The following PRKN variants were observed in gnomAD, a reference collection of about 807,000 sequenced individuals.
PRKN encodes the protein parkin RBR E3 ubiquitin protein ligase, also known as E3 ubiquitin-protein ligase parkin.
Under a neutral mutation model 59.5 loss-of-function variants are expected in PRKN, and 56 were observed. That is an observed-to-expected ratio of 0.94 (90% CI 0.76 to 1.18). The LOEUF is 1.18. PRKN is among the 50% of genes most tolerant of loss of function. PRKN has a pLI of 0.00. For missense variants in PRKN, 657 were observed against 596.4 expected (o/e 1.10, Z -1.06); for synonymous variants, 250 against 222.1 (o/e 1.13, Z -1.12).
intron 1 of PRKN, among the ~76,000 whole-genome samples, chr6:162,521,445 C>T (rs538389851): frequency 1.3e-5 from 2 of 152,252 alleles, no homozygotes; most frequent in East Asian, 3.9e-4. Flanking sequence ...TTCACCATGG[C>T]TTATTCAAAC....
intron 6 of PRKN, among the ~76,000 whole-genome samples, chr6:161,842,493 C>T (rs1793028757): frequency 6.6e-6 from 1 of 151,166 alleles, no homozygotes; most frequent in Non-Finnish European, 1.5e-5. Context: ...TAGCCATGGG[C>T]AAGAGAGACA....
chr6:161,947,275 A>G (rs563378997), intron 6 of PRKN, among the ~76,000 whole-genome samples: 1 of 152,340 alleles, frequency 6.6e-6, no homozygotes, highest in South Asian at 2.1e-4. Flanking sequence ...GGGAAAAGTG[A>G]ACTTTTATTC....
chr6:162,713,117 T>C (rs192435403), intron 1 of PRKN, among the ~76,000 whole-genome samples: 158 of 152,304 alleles, frequency 1.0e-3, no homozygotes, highest in African/African-American at 3.7e-3. Context: ...AATTCCAAAC[T>C]TGATTTCAAA....
chr6:161,360,254 G>T lies in PRKN; in HGVS notation c.1168-49C>A. 1 of 1,407,916 alleles carries T rather than the reference G, an allele frequency of 7.1e-7. No homozygotes were observed. Among genetic ancestry groups the T allele is most frequent in the South Asian group, 1.1e-5 (1 of 87,074 alleles). The allele number at this position is 1,407,916 out of a possible 1,614,324, so 87.2% of individuals were successfully genotyped here. ...GTTTAATCTCAGCTTTCTATTACTG[G>T]GATCAGAGTTTATGTTCCCTGTACG... On this transcript the variant is annotated intron_variant, in intron 10 of 11. Transcript: ENST00000366898. This position sits in a 1 kb window ranked among gnomAD's most constrained non-coding sequence, Gnocchi z 5.1.
rs114639797 is a variant in PRKN at position 161,824,492 on chromosome 6, A to G, written c.735-38584T>C. Among the ~76,000 whole-genome samples, 1,224 of 152,342 alleles carry G rather than the reference A, an allele frequency of 8.0e-3. 18 individuals carry two copies. Among genetic ancestry groups the G allele is most frequent in the African/African-American group, 0.028 (1,169 of 41,580 alleles). ...AGTGCAGAAACCTGTAGAAATAAAT[A>G]CTACAGTGAATATGGCAGTTATGAA... On this transcript the variant is annotated intron_variant, in intron 6 of 11. Coordinates refer to ENST00000366898, the MANE Select transcript of PRKN (RefSeq NM_004562.3).
At position 161,352,769 on chromosome 6, in the gene PRKN, A is replaced by ATATATATATATTTT. The variant is rs1398780449; in HGVS notation, c.1286-2559_1286-2558insAAAATATATATATA. Among the ~76,000 whole-genome samples, 3 of 119,448 alleles carry ATATATATATATTTT rather than the reference A, an allele frequency of 2.5e-5. No individual in the cohort carries two copies. The highest frequency in any genetic ancestry group is 4.1e-4 in the East Asian group (2 of 4,854). The allele number at this position is 119,448 out of a possible 152,430, so 78.4% of individuals were successfully genotyped here. A position where few individuals can be genotyped will look rare whatever the true frequency, so the allele number is the denominator to read the frequency against. ...TGTGTGTGTGTGTATATATATATAT[A>ATATATATATATTTT]TATTTTATTTTATTTTATTTTATTT... On this transcript the variant is annotated intron_variant, in intron 11 of 11. Transcript: ENST00000366898. This position sits in a 1 kb window ranked among gnomAD's most constrained non-coding sequence, Gnocchi z 5.8.
chr6:161,713,642 A>G (rs1474669418), intron 7 of PRKN, among the ~76,000 whole-genome samples: 1 of 152,078 alleles, frequency 6.6e-6, no homozygotes. Context: ...ACATTTTTCA[A>G]CTGTTCCTTG....
At chr6:162,710,842 A>T (rs1778511703) in intron 1 of PRKN, among the ~76,000 whole-genome samples, 1 of 152,232 alleles carries the variant, frequency 6.6e-6, no homozygotes, top group South Asian at 2.1e-4. Flanking sequence ...TCCCATTTTC[A>T]GGTGAATCTC....
At position 162,570,927 on chromosome 6, in the gene PRKN, T is replaced by G. The variant is rs1386525572; in HGVS notation, c.8-127454A>C. On this transcript the variant is annotated intron_variant, in intron 1 of 11. Transcript: ENST00000366898. The stretch of plus-strand genomic sequence containing the variant: ...CTTAATTGTGTATTTTAAAATAACT[T>G]AAAGAGTGTAATTGGATTGTTTGTA... Among the ~76,000 whole-genome samples, 12 of 152,148 alleles carry G rather than the reference T, an allele frequency of 7.9e-5. 1 individual carries two copies. Among genetic ancestry groups the G allele is most frequent in the Admixed American group, 7.2e-4 (11 of 15,262 alleles).
chr6:162,601,186 C>T (rs1188537027), intron 1 of PRKN, among the ~76,000 whole-genome samples: 1 of 152,074 alleles, frequency 6.6e-6, no homozygotes, highest in Non-Finnish European at 1.5e-5. Flanking sequence ...GCTTGGGCCT[C>T]TCTTCTTCTA....
chr6:162,281,009 T>C (rs1235044029), intron 2 of PRKN, among the ~76,000 whole-genome samples: 1 of 152,010 alleles, frequency 6.6e-6, no homozygotes, highest in Admixed American at 6.6e-5. Context: ...ACCATCATCC[T>C]CAGCAAACCA....
At chr6:161,643,445 T>C (rs1473628138) in intron 7 of PRKN, among the ~76,000 whole-genome samples, 2 of 152,230 alleles carry the variant, frequency 1.3e-5, no homozygotes, top group Admixed American at 6.5e-5. Context: ...TAGGAGAACA[T>C]TTTTTATGCT....
At chr6:162,412,437 T>A (rs1788399083) in intron 2 of PRKN, among the ~76,000 whole-genome samples, 1 of 151,938 alleles carries the variant, frequency 6.6e-6, no homozygotes. Flanking sequence ...CCCTATGCGA[T>A]GAAAATCTGT....
intron 9 of PRKN, among the ~76,000 whole-genome samples, chr6:161,506,815 C>T (rs1013552741): frequency 6.6e-6 from 1 of 152,206 alleles, no homozygotes; most frequent in African/African-American, 2.4e-5. Context: ...AAAGCTTGCT[C>T]AGTTGTAAAC....
chr6:162,478,578 G>A (rs541193238), intron 1 of PRKN, among the ~76,000 whole-genome samples: 57 of 152,270 alleles, frequency 3.7e-4, no homozygotes, highest in Middle Eastern at 6.8e-3. Flanking sequence ...GTAACCAACC[G>A]TGAAACCAAG....
At chr6:161,882,235 T>C (rs1049495132) in intron 6 of PRKN, among the ~76,000 whole-genome samples, 13 of 152,188 alleles carry the variant, frequency 8.5e-5, no homozygotes, top group Non-Finnish European at 1.5e-4. Flanking sequence ...TTTTTGTTTG[T>C]ACTTTTTATT....
At chr6:161,474,121 C>T (rs1790941489) in intron 9 of PRKN, among the ~76,000 whole-genome samples, 1 of 152,202 alleles carries the variant, frequency 6.6e-6, no homozygotes, top group Non-Finnish European at 1.5e-5. Flanking sequence ...GTAAGTCACT[C>T]CACCTCTCCT....
chr6:162,339,423 T>A (rs1478903745), intron 2 of PRKN, among the ~76,000 whole-genome samples: 2 of 140,300 alleles, frequency 1.4e-5, no homozygotes, highest in Non-Finnish European at 3.1e-5. Context: ...AGCCGCCCCG[T>A]CCGGGAGGTG....
chr6:162,665,629 A>C (rs1282683591), intron 1 of PRKN, among the ~76,000 whole-genome samples: 3 of 152,200 alleles, frequency 2.0e-5, no homozygotes, highest in Non-Finnish European at 4.4e-5. Flanking sequence ...TATAGATTCA[A>C]TGCTATTCCC....
Sources: allele counts gnomAD v4.1 joint callset (sites outside exome capture counted in the v4.1 genomes callset), GRCh38; gene constraint gnomAD v4.1.1; non-coding constraint Gnocchi (gnomAD v3.1); transcripts MANE v1.5; gene names NCBI Gene and HGNC (gene_info 2026-07-23, HGNC 2026-07-21).